CDH4: variants seen among roughly 807,000 people sequenced by gnomAD.
CDH4 encodes the protein cadherin 4, also known as cadherin-4.
In CDH4, 33 loss-of-function variants were observed where a neutral mutation model predicts 86.0. That is an observed-to-expected ratio of 0.38 (90% CI 0.29 to 0.51). CDH4 has a LOEUF of 0.51. CDH4 is among the 20% of genes least tolerant of loss of function. The pLI, the probability that CDH4 is intolerant of heterozygous loss-of-function variation, is 0.86. For synonymous variants in CDH4, 555 were observed against 549.4 expected (o/e 1.01, Z -0.14); for missense variants, 1,114 against 1,307.4 (o/e 0.85, Z 2.28).
intron 2 of CDH4, among the ~76,000 whole-genome samples, chr20:61,282,843 T>C (rs1001361565): frequency 5.4e-5 from 8 of 148,922 alleles, no homozygotes; most frequent in South Asian, 4.3e-4. Flanking sequence ...GTGTGATGCA[T>C]GTGCATTTGC....
intron 2 of CDH4, among the ~76,000 whole-genome samples, chr20:61,433,572 G>A (rs965677492): frequency 1.3e-5 from 2 of 152,108 alleles, no homozygotes; most frequent in African/African-American, 4.8e-5. Context: ...AATCACTGAA[G>A]TTGACTCTGA....
chr20:61,919,839 G>A (rs2054947454), intron 9 of CDH4, among the ~76,000 whole-genome samples: 1 of 56,488 alleles, frequency 1.8e-5, no homozygotes, highest in African/African-American at 6.2e-5. Flanking sequence ...ATGGAAGCGT[G>A]TGATTGTGTG....
At chr20:61,508,468 C>T (rs1175672534) in intron 2 of CDH4, among the ~76,000 whole-genome samples, 2 of 152,252 alleles carry the variant, frequency 1.3e-5, no homozygotes, top group Non-Finnish European at 2.9e-5. Flanking sequence ...AAGCTGGTGA[C>T]TGTGGCTGGG....
intron 2 of CDH4, among the ~76,000 whole-genome samples, chr20:61,589,951 C>T (rs991639734): frequency 6.6e-6 from 1 of 151,844 alleles, no homozygotes; most frequent in South Asian, 2.1e-4. Context: ...TGAGAGGGGG[C>T]GGCCAGGAGG....
intron 4 of CDH4, among the ~76,000 whole-genome samples, chr20:61,801,778 C>T (rs1483527835): frequency 2.0e-5 from 3 of 152,246 alleles, no homozygotes; most frequent in Non-Finnish European, 2.9e-5. Flanking sequence ...TCCACATCAC[C>T]TTCTCCTCTG....
intron 2 of CDH4, among the ~76,000 whole-genome samples, chr20:61,321,059 G>A (rs2084505575): frequency 6.6e-6 from 1 of 152,138 alleles, no homozygotes; most frequent in Non-Finnish European, 1.5e-5. Context: ...TGACACCGTG[G>A]GTCCTCGGTG....
intron 8 of CDH4, among the ~76,000 whole-genome samples, chr20:61,896,651 G>A (rs1019981250): frequency 6.6e-6 from 1 of 152,216 alleles, no homozygotes; most frequent in African/African-American, 2.4e-5. Context: ...CCAGGAAGGC[G>A]TTCAGATGGT....
intron 2 of CDH4, among the ~76,000 whole-genome samples, chr20:61,300,462 G>A (rs1239027590): frequency 6.6e-6 from 1 of 152,118 alleles, no homozygotes; most frequent in Non-Finnish European, 1.5e-5. Context: ...TCTGGGTGAA[G>A]AGGACAGTGC....
rs1442178308 is a variant in CDH4 at position 61,810,425 on chromosome 20, C to T, written c.577-34243C>T. ...CTCGGCCAAGTTTCTGACCTGGGTT[C>T]TCAGACCCAAGTTCTGACCCGGGTT... On this transcript the variant is annotated intron_variant, in intron 4 of 15. Coordinates refer to ENST00000614565, the MANE Select transcript of CDH4 (RefSeq NM_001794.5). The surrounding 1 kb of genome is among the most constrained non-coding windows in gnomAD (Gnocchi z 4.3). 6.6e-6 allele frequency among the ~76,000 whole-genome samples: 1 copy of T among 152,162 alleles called. No individual in the cohort carries two copies. Among genetic ancestry groups the T allele is most frequent in the African/African-American group, 2.4e-5 (1 of 41,438 alleles).
In CDH4 at chr20:61,490,117, A is replaced by G. The variant is rs112008462; in HGVS notation, c.169+235180A>G. Among the ~76,000 whole-genome samples the G allele has an allele frequency of 9.3e-3, 1,422 of 152,350 alleles. 25 individuals are homozygous for G. Among genetic ancestry groups the G allele is most frequent in the African/African-American group, 0.033 (1,358 of 41,576 alleles). ...ATGGACATCTAATCTGTGGCCCAAC[A>G]ATTTTTTTCCTATATTTTATCCAAA... On this transcript the variant is annotated intron_variant, in intron 2 of 15. Transcript: ENST00000614565.
intron 4 of CDH4, among the ~76,000 whole-genome samples, chr20:61,794,016 A>C (rs549845847): frequency 1.0e-4 from 15 of 147,958 alleles, no homozygotes; most frequent in Admixed American, 4.7e-4. Flanking sequence ...GGTGGCGGGC[A>C]CCTGTAGTCC....
intron 2 of CDH4, among the ~76,000 whole-genome samples, chr20:61,682,347 T>G (rs1325146594): frequency 1.4e-5 from 2 of 137,998 alleles, no homozygotes; most frequent in Non-Finnish European, 3.1e-5. Context: ...AAGGGAGAGA[T>G]AGATGAATGG....
intron 2 of CDH4, among the ~76,000 whole-genome samples, chr20:61,283,478 GGTGTGTGATGTAGGTGCATTTGCAC>G (rs2084274590): frequency 1.8e-5 from 1 of 54,070 alleles, no homozygotes; most frequent in African/African-American, 5.3e-5. Flanking sequence ...CGTGTGCTGT[GGTGTGTGATGTAGGTGCATTTGCAC>G]GCGTGTGCTG....
At chr20:61,622,133 G>A (rs529344325) in intron 2 of CDH4, among the ~76,000 whole-genome samples, 1 of 152,356 alleles carries the variant, frequency 6.6e-6, no homozygotes, top group East Asian at 1.9e-4. Context: ...AGCAGTACAT[G>A]CCACAAAAGG....
intron 2 of CDH4, among the ~76,000 whole-genome samples, chr20:61,311,900 G>A (rs999433175): frequency 2.6e-5 from 4 of 152,274 alleles, no homozygotes; most frequent in Non-Finnish European, 4.4e-5. Flanking sequence ...CTGCGGAGCC[G>A]GCTGCATCCA....
chr20:61,291,970 T>A (rs2084323861), intron 2 of CDH4, among the ~76,000 whole-genome samples: 1 of 152,068 alleles, frequency 6.6e-6, no homozygotes, highest in Non-Finnish European at 1.5e-5. Flanking sequence ...ATCATTTAGC[T>A]CCCTCTTATA....
At chr20:61,711,977 T>C (rs912776362) in intron 2 of CDH4, among the ~76,000 whole-genome samples, 1 of 152,120 alleles carries the variant, frequency 6.6e-6, no homozygotes, top group African/African-American at 2.4e-5. Context: ...TGGGAGCCTG[T>C]GACAGACACT....
Position 61,743,784 on chromosome 20 carries a change from C to G in CDH4, c.391C>G (p.His131Asp), listed in dbSNP as rs1450652384. The change falls in exon 3 of 16, where the codon CAC becomes GAC. Residue 131 changes from histidine (H) to aspartate (D), a missense_variant. By Grantham distance (81) the His-to-Asp change is moderately conservative (BLOSUM62 -1). Around this residue, in one of 3 missense-constraint regions of CDH4, gnomAD observed 221 missense variants for 209.5 expected, o/e 1.05. Transcript: ENST00000614565. ...VAQTSSPHSG[H>D]KPQKGKKVVA... ...CCAGACCTCGTCCCCGCACTCTGGA[C>G]ACAAGGTAAGGTGTGACCGCCCGGG... 2 of 1,597,316 alleles carry G rather than the reference C, an allele frequency of 1.3e-6. No individual in the cohort carries two copies. Among genetic ancestry groups the G allele is most frequent in the Non-Finnish European group, 1.7e-6 (2 of 1,172,280 alleles).
chr20:61,733,538 G>A (rs969570037), intron 2 of CDH4, among the ~76,000 whole-genome samples: 2 of 152,076 alleles, frequency 1.3e-5, no homozygotes, highest in African/African-American at 2.4e-5. Flanking sequence ...CTTTGTTCGT[G>A]GGCCGGCTGC....
Sources: allele counts gnomAD v4.1 joint callset (sites outside exome capture counted in the v4.1 genomes callset), GRCh38; gene constraint gnomAD v4.1.1; regional missense constraint gnomAD v4.1.1; non-coding constraint Gnocchi (gnomAD v3.1); transcripts MANE v1.5; gene names NCBI Gene and HGNC (gene_info 2026-07-23, HGNC 2026-07-21).